Variants in EVL observed in about 807,000 individuals in gnomAD.
The protein encoded by EVL is Enah/Vasp-like, also known as ena/VASP-like protein.
EVL carries 21 observed loss-of-function variants against 59.6 expected under a neutral mutation model. The observed-to-expected ratio is 0.35, with a 90% CI of 0.25 to 0.51. The LOEUF (loss-of-function observed/expected upper bound fraction) is 0.51. EVL is among the 20% of genes least tolerant of loss of function. EVL has a pLI of 0.97. For synonymous variants in EVL, 198 were observed against 203.5 expected, an observed-to-expected ratio of 0.97 and a Z score of 0.23; for missense variants, 462 against 546.6, an observed-to-expected ratio of 0.85 and a Z score of 1.54.
At chr14:100,141,928 T>TA (rs2140411026) in intron 13 of EVL, 135 bp downstream of exon 13, 2 of 646,234 alleles carry the variant, frequency 3.1e-6, no homozygotes, top group South Asian at 6.3e-5. Context: ...ATTTCATTCT[T>TA]ACCATCTCTA....
intron 8 of EVL, chr14:100,135,610 A>AG (rs1022274500): frequency 1.4e-5 from 5 of 349,942 alleles, no homozygotes; most frequent in Middle Eastern, 9.0e-4. Flanking sequence ...ATCCGGCCCA[A>AG]GGGGGGCTCA....
intron 6 of EVL, 40 bp from the exon 7 acceptor site, chr14:100,129,523 T>G (rs1400899124): frequency 6.2e-7 from 1 of 1,611,184 alleles, no homozygotes; most frequent in Non-Finnish European, 8.5e-7. Flanking sequence ...TGTTCTGCCA[T>G]CAGCAGCAGA....
chr14:100,141,751 G>A lies in EVL; in HGVS notation c.1177G>A (p.Val393Met), dbSNP rs893894652. The A allele has an allele frequency of 6.2e-7, 1 of 1,613,586 alleles. No individual in the cohort carries two copies. The highest frequency in any genetic ancestry group is 8.5e-7 in the Non-Finnish European group (1 of 1,179,954). Reference sequence around the variant, plus strand: ...CTCCCAACAGGAGATCCTAGAGGAGGTGGTGAGAGAGCTCCACAAGGTGAA... The same window carrying A: ...CTCCCAACAGGAGATCCTAGAGGAGATGGTGAGAGAGCTCCACAAGGTGAA... ...DRMKQEILEE[V>M]VRELHKVKEE... The change falls in exon 13 of 14, where the codon GTG (valine) becomes ATG (methionine). Residue 393 changes from valine (V) to methionine (M), a missense_variant. Physicochemically the swap from Val to Met is conservative, Grantham distance 21. Transcript: ENST00000392920.
rs187029061 is a variant in EVL at position 100,144,092 on chromosome 14, G to A, written c.*354G>A. On this transcript the variant is annotated 3_prime_UTR_variant, in exon 14 of 14. Coordinates refer to ENST00000392920, the MANE Select transcript of EVL (RefSeq NM_016337.3). ...TGACGCTGTTAGCGCCTCAGCTGGC[G>A]GTGACAGCCGGCCCAGCGTGGCGCC... 4.6e-3 allele frequency: 1,597 copies of A among 343,558 alleles called. 4 individuals carry two copies. Among genetic ancestry groups the A allele is most frequent in the Admixed American group, 6.5e-3 (144 of 22,318 alleles). The allele number at this position is 343,558 out of a possible 1,614,324, so 21.3% of individuals were successfully genotyped here.
intron 1 of EVL, among the ~76,000 whole-genome samples, chr14:99,984,086 C>T (rs1245452354): frequency 5.9e-5 from 9 of 152,206 alleles, no homozygotes; most frequent in Non-Finnish European, 1.3e-4. Context: ...TCGTGGCATT[C>T]ATCCCAGTTT....
chr14:100,031,911 C>A (rs1028009644), intron 1 of EVL, among the ~76,000 whole-genome samples: 1 of 152,250 alleles, frequency 6.6e-6, no homozygotes, highest in African/African-American at 2.4e-5. Flanking sequence ...AGACTGCATA[C>A]CAGAGACACC....
intron 1 of EVL, among the ~76,000 whole-genome samples, chr14:100,068,972 G>A (rs1465365251): frequency 6.6e-6 from 1 of 152,176 alleles, no homozygotes; most frequent in Non-Finnish European, 1.5e-5. Flanking sequence ...GTCTTTGGTA[G>A]GCTGTGGGTT....
At chr14:100,117,392 C>A (rs914155911) in intron 3 of EVL, among the ~76,000 whole-genome samples, 2 of 151,888 alleles carry the variant, frequency 1.3e-5, no homozygotes, top group African/African-American at 4.8e-5. Flanking sequence ...CAGCTTCTCA[C>A]ACTCGCACCA....
intron 1 of EVL, among the ~76,000 whole-genome samples, chr14:100,026,506 C>T (rs935136558): frequency 5.3e-5 from 8 of 152,100 alleles, no homozygotes; most frequent in African/African-American, 1.9e-4. Context: ...CCTGTGGGCT[C>T]AGAGCTTGTC....
intron 3 of EVL, among the ~76,000 whole-genome samples, chr14:100,110,606 A>G (rs1201750922): frequency 6.6e-6 from 1 of 152,070 alleles, no homozygotes; most frequent in Admixed American, 6.5e-5. Flanking sequence ...GTTCAAATCA[A>G]GATCTGAGAA....
exon 1 of EVL, chr14:99,971,996 C>T (rs1595532446): frequency 1.3e-5 from 2 of 154,832 alleles, no homozygotes; most frequent in East Asian, 1.8e-4. Context: ...GCCCCGCCGC[C>T]GCCGCCGCCG....
Position 99,972,666 on chromosome 14 carries a change from C to T in EVL, c.5+609C>T, listed in dbSNP as rs984515900. Among the ~76,000 whole-genome samples the T allele has an allele frequency of 6.6e-6, 1 of 152,156 alleles. No individual in the cohort carries two copies. The highest frequency in any genetic ancestry group is 1.5e-5 in the Non-Finnish European group (1 of 68,012). On this transcript the variant is annotated intron_variant, in intron 1 of 13. Transcript: ENST00000402714. The surrounding 1 kb of genome is among the most constrained non-coding windows in gnomAD (Gnocchi z 4.4). ...CCAAATGTACCGCTCGTTGATGTAT[C>T]ACCCAGCTCGGGAGCCTGCTGATTA...
intron 3 of EVL, among the ~76,000 whole-genome samples, chr14:100,119,993 G>A (rs1365096874): frequency 6.6e-6 from 1 of 152,206 alleles, no homozygotes; most frequent in Non-Finnish European, 1.5e-5. Flanking sequence ...GCCACTGTGT[G>A]CAGAGCCACA....
chr14:100,123,366 AGAG>A (rs1470562043), intron 3 of EVL, among the ~76,000 whole-genome samples, 170 bp from the exon 4 acceptor site: 6 of 152,210 alleles, frequency 3.9e-5, no homozygotes, highest in Non-Finnish European at 1.5e-5. Context: ...GGTGATTGAG[AGAG>A]GAGATGGAGT....
chr14:100,067,220 A>G (rs2061949456), intron 1 of EVL, among the ~76,000 whole-genome samples: 2 of 152,202 alleles, frequency 1.3e-5, no homozygotes, highest in African/African-American at 4.8e-5. Context: ...CAGCAGCCAT[A>G]GGAGCTGTGA....
At chr14:100,122,596 C>T (rs1164689274) in intron 3 of EVL, among the ~76,000 whole-genome samples, 2 of 152,196 alleles carry the variant, frequency 1.3e-5, no homozygotes, top group African/African-American at 2.4e-5. Context: ...TTGAATATTG[C>T]TGTGACCCCA....
chr14:100,142,219 G>A (rs1889218736), intron 13 of EVL: 1 of 155,106 alleles, frequency 6.4e-6, no homozygotes, highest in Non-Finnish European at 1.4e-5. Context: ...TGACCACTCT[G>A]CCTTCCTGGG....
chr14:99,976,664 A>T (rs1391229517), intron 1 of EVL, among the ~76,000 whole-genome samples: 6 of 152,154 alleles, frequency 3.9e-5, no homozygotes, highest in Admixed American at 3.9e-4. Flanking sequence ...GGCACATGGG[A>T]GCACTTACAA....
chr14:100,025,668 C>T (rs2061198030), intron 1 of EVL, among the ~76,000 whole-genome samples: 2 of 152,214 alleles, frequency 1.3e-5, no homozygotes, highest in African/African-American at 4.8e-5. Flanking sequence ...TGGCTCACGC[C>T]TGTAACCCCA....
Sources: allele counts gnomAD v4.1 joint callset (sites outside exome capture counted in the v4.1 genomes callset), GRCh38; gene constraint gnomAD v4.1.1; non-coding constraint Gnocchi (gnomAD v3.1); transcripts MANE v1.5; gene names NCBI Gene and HGNC (gene_info 2026-07-23, HGNC 2026-07-21).